Variants in BACH2 observed in about 807,000 individuals in gnomAD.
BACH2 encodes BACH transcriptional regulator 2, also known as transcription regulator protein BACH2.
In BACH2, 5 loss-of-function variants were observed where a neutral mutation model predicts 61.8. That is an observed-to-expected ratio of 0.08 (90% CI 0.04 to 0.17). The LOEUF is 0.17. BACH2 is among the 10% of genes least tolerant of loss of function. The pLI is 1.00. For synonymous variants in BACH2, 446 were observed against 440.1 expected, an observed-to-expected ratio of 1.01 and a Z score of -0.17; for missense variants, 824 against 1,091.1, an observed-to-expected ratio of 0.76 and a Z score of 3.45.
intron 2 of BACH2, among the ~76,000 whole-genome samples, chr6:90,267,836 G>A (rs1582550467): frequency 6.6e-6 from 1 of 152,090 alleles, no homozygotes; most frequent in African/African-American, 2.4e-5. Flanking sequence ...AAAGGTATAT[G>A]TTTGTATGTA....
intron 6 of BACH2, among the ~76,000 whole-genome samples, chr6:89,979,843 C>T (rs1775854080): frequency 6.6e-6 from 1 of 152,110 alleles, no homozygotes; most frequent in African/African-American, 2.4e-5. Flanking sequence ...TGTAATTTAT[C>T]CAAACTGTTT....
At chr6:89,992,623 C>T (rs561981206) in intron 6 of BACH2, among the ~76,000 whole-genome samples, 45 of 152,196 alleles carry the variant, frequency 3.0e-4, no homozygotes, top group African/African-American at 9.9e-4. Flanking sequence ...GCCTGGGCAA[C>T]AAGAGCAAAA....
At chr6:89,940,181 TG>T (rs992097141) in intron 7 of BACH2, among the ~76,000 whole-genome samples, 8 of 152,076 alleles carry the variant, frequency 5.3e-5, no homozygotes, top group Admixed American at 4.6e-4. Flanking sequence ...AGCTAATTTT[TG>T]TATTTTCAGT....
At chr6:90,198,377 C>A (rs1768837595) in intron 4 of BACH2, among the ~76,000 whole-genome samples, 1 of 152,180 alleles carries the variant, frequency 6.6e-6, no homozygotes, top group Non-Finnish European at 1.5e-5. Context: ...CAGTTAGAAC[C>A]CGACAGATGG....
At position 89,980,032 on chromosome 6, in the gene BACH2, C is replaced by A. The variant is rs572309048; in HGVS notation, c.244-28170G>T. On this transcript the variant is annotated intron_variant, in intron 6 of 8. Coordinates refer to ENST00000257749, the MANE Select transcript of BACH2 (RefSeq NM_021813.4). Reference sequence around the variant, plus strand: ...TAGAGGCCAGGCGTGGTGGCTCACACCTTTAATCCCAGCACTTTGGGAGGC... The same window carrying A: ...TAGAGGCCAGGCGTGGTGGCTCACAACTTTAATCCCAGCACTTTGGGAGGC... 1.2e-4 allele frequency among the ~76,000 whole-genome samples: 18 copies of A among 152,292 alleles called. 1 individual carries two copies. Among genetic ancestry groups the A allele is most frequent in the African/African-American group, 4.3e-4 (18 of 41,556 alleles).
intron 4 of BACH2, among the ~76,000 whole-genome samples, chr6:90,143,314 T>C (rs906201114): frequency 6.6e-6 from 1 of 152,194 alleles, no homozygotes; most frequent in Non-Finnish European, 1.5e-5. Context: ...GTAGTGTGGC[T>C]TGCAGTTAAG....
At chr6:89,989,190 A>G (rs1269628714) in intron 6 of BACH2, among the ~76,000 whole-genome samples, 1 of 152,198 alleles carries the variant, frequency 6.6e-6, no homozygotes, top group Non-Finnish European at 1.5e-5. Context: ...TGTGACCTAG[A>G]AATGTACACA....
intron 2 of BACH2, among the ~76,000 whole-genome samples, chr6:90,263,824 G>A (rs866381998): frequency 2.6e-5 from 4 of 152,126 alleles, no homozygotes; most frequent in African/African-American, 9.7e-5. Context: ...TGTAATAACT[G>A]AAGGTCCCAT....
chr6:90,017,655 T>A (rs1413011953), intron 5 of BACH2, among the ~76,000 whole-genome samples: 1 of 152,216 alleles, frequency 6.6e-6, no homozygotes, highest in Non-Finnish European at 1.5e-5. Context: ...AAGTCCCCTT[T>A]GGTCTTTTAT....
intron 6 of BACH2, among the ~76,000 whole-genome samples, chr6:90,006,548 G>T (rs184574175): frequency 1.3e-4 from 20 of 152,306 alleles, no homozygotes; most frequent in Admixed American, 5.9e-4. Flanking sequence ...AGTGGTAATG[G>T]AGCATTCTAT....
intron 3 of BACH2, among the ~76,000 whole-genome samples, chr6:90,247,981 T>G (rs1288289133): frequency 2.6e-5 from 4 of 152,234 alleles, no homozygotes; most frequent in Non-Finnish European, 4.4e-5. Context: ...CACATTCAAG[T>G]GTCTTCTAGC....
intron 3 of BACH2, among the ~76,000 whole-genome samples, chr6:90,220,056 G>A (rs11756343): frequency 0.047 from 7,126 of 151,946 alleles, 221 homozygotes; most frequent in Admixed American, 0.092. Context: ...TTGACAACCT[G>A]CAAAACTTAT....
At chr6:90,194,275 T>C (rs1268405890) in intron 4 of BACH2, among the ~76,000 whole-genome samples, 5 of 152,174 alleles carry the variant, frequency 3.3e-5, no homozygotes, top group Non-Finnish European at 7.3e-5. Context: ...CCCTCTTTTA[T>C]GACAGGGTAA....
At chr6:90,220,381 T>A (rs897835328) in intron 3 of BACH2, among the ~76,000 whole-genome samples, 21 of 152,200 alleles carry the variant, frequency 1.4e-4, no homozygotes, top group Admixed American at 5.2e-4. Context: ...GTTTCTAACA[T>A]ATCAAGAACA....
At chr6:90,253,858 T>C (rs150986208) in intron 2 of BACH2, among the ~76,000 whole-genome samples, 1 of 152,286 alleles carries the variant, frequency 6.6e-6, no homozygotes, top group East Asian at 1.9e-4. Context: ...AAATGCAGTA[T>C]GTACATAGTC....
At chr6:89,958,869 A>G (rs554700407) in intron 6 of BACH2, among the ~76,000 whole-genome samples, 16 of 152,116 alleles carry the variant, frequency 1.1e-4, no homozygotes, top group Non-Finnish European at 2.2e-4. Flanking sequence ...CTGGTCCTCT[A>G]TTCACAATTG....
chr6:90,253,300 T>C (rs1182371734), intron 2 of BACH2, among the ~76,000 whole-genome samples: 1 of 152,112 alleles, frequency 6.6e-6, no homozygotes, highest in East Asian at 1.9e-4. Context: ...AGGAACTTTC[T>C]GATAAACTGG....
chr6:90,092,291 A>AAAAAAAAAATATATATATATATAT, intron 4 of BACH2, among the ~76,000 whole-genome samples: 11 of 113,812 alleles, frequency 9.7e-5, no homozygotes, highest in African/African-American at 3.6e-4. Context: ...AAAAAAAAAA[A>AAAAAAAAAATATATATATATATAT]ATATATATAT....
intron 5 of BACH2, among the ~76,000 whole-genome samples, chr6:90,064,181 G>T (rs1198003649): frequency 6.6e-6 from 1 of 152,162 alleles, no homozygotes; most frequent in African/African-American, 2.4e-5. Context: ...AACAGAATGT[G>T]ATATGTGCCA....
Sources: gnomAD v4.1 joint callset for allele counts (sites outside exome capture counted in the v4.1 genomes callset) on GRCh38, gnomAD v4.1.1 for gene constraint, MANE v1.5 for transcripts, NCBI Gene and HGNC (gene_info 2026-07-23, HGNC 2026-07-21) for gene names.